Variants in SUCO observed in about 807,000 individuals in gnomAD.
SUCO encodes SUN domain-containing ossification factor.
SUCO carries 57 observed loss-of-function variants against 148.1 expected under a neutral mutation model. That is an observed-to-expected ratio of 0.38 (90% CI 0.31 to 0.48). The LOEUF (loss-of-function observed/expected upper bound fraction) is 0.48. Ranked by LOEUF, SUCO falls within the 20% of genes least tolerant of loss-of-function variation. The pLI, the probability that SUCO is intolerant of heterozygous loss-of-function variation, is 0.96. For synonymous variants in SUCO, 470 were observed against 502.7 expected (o/e 0.93, Z 0.87); for missense variants, 1,331 against 1,468.2 (o/e 0.91, Z 1.53).
At chr1:172,609,088 C>CTGA (rs1373453520) in intron 23 of SUCO, 1 of 244,618 alleles carries the variant, frequency 4.1e-6, no homozygotes, top group African/African-American at 2.3e-5. Context: ...TATTTACTGT[C>CTGA]TGACCCTTCA....
In SUCO at chr1:172,589,193, G is replaced by A; in HGVS notation, c.2092G>A (p.Val698Ile). 1 of 1,614,010 alleles carries A rather than the reference G, an allele frequency of 6.2e-7. No individual in the cohort carries two copies. The highest frequency in any genetic ancestry group is 8.5e-7 in the Non-Finnish European group (1 of 1,179,926). ...TATAGAAAGGGAAGCTGAAACTGTT[G>A]TTCTGGGTGATTTAAGTAGTAGTAT... ...TNIEREAETV[V>I]LGDLSSSMHQ... The change falls in exon 18 of 24, where the codon GTT becomes ATT. Residue 698 changes from valine (V) to isoleucine (I), a missense_variant. Physicochemically the swap from Val to Ile is conservative, Grantham distance 29 (BLOSUM62 3). Around this residue, in one of 3 missense-constraint regions of SUCO, gnomAD observed 992 missense variants for 1,093.5 expected, o/e 0.91. Transcript: ENST00000263688.
Position 172,557,716 on chromosome 1 carries a change from ATCAAAAGTTT to A in SUCO, c.655_664del (p.Ser219GlnfsTer14). The A allele has an allele frequency of 6.2e-7, 1 of 1,613,392 alleles. No homozygotes were observed. Among genetic ancestry groups the A allele is most frequent in the Non-Finnish European group, 8.5e-7 (1 of 1,179,718 alleles). ...GAAAGATAACAAAATCAGAATTTGAATCAAAAGTTTCAGCAAGTGAACAGGGCGGTGGTGA... is the reference window on the plus strand; with the variant it reads ...GAAAGATAACAAAATCAGAATTTGAACAGCAAGTGAACAGGGCGGTGGTGA... On this transcript the variant is annotated frameshift_variant, in exon 6 of 24. Coordinates refer to ENST00000263688, the MANE Select transcript of SUCO (RefSeq NM_014283.5). LOFTEE classifies it high-confidence loss of function.
chr1:172,542,637 G>A, intron 1 of SUCO: 1 of 620,814 alleles, frequency 1.6e-6, no homozygotes, highest in Non-Finnish European at 2.0e-6. Context: ...CTCCTTATGA[G>A]AATCTAATGG....
chr1:172,562,700 A>G (rs1256337362), intron 6 of SUCO, among the ~76,000 whole-genome samples: 1 of 152,218 alleles, frequency 6.6e-6, no homozygotes, highest in African/African-American at 2.4e-5. Context: ...TTAATCATAC[A>G]CAAAATTTCT....
In SUCO at chr1:172,569,041, G is replaced by A. The variant is rs1173883750; in HGVS notation, c.755G>A (p.Gly252Glu). ...KNESSDYTKP[G>E]DIDPTSVASP... is the part of the protein sequence containing the mutation. ...CAGAGCTCTGATTATACAAAACCAG[G>A]AGACATTGACCCTACATCAGTAGCA... The change falls in exon 7 of 24, where the codon GGA becomes GAA. Residue 252 changes from glycine (G) to glutamate (E), a missense_variant. Coordinates refer to ENST00000263688, the MANE Select transcript of SUCO (RefSeq NM_014283.5). 1 of 1,588,924 alleles carries A rather than the reference G, an allele frequency of 6.3e-7. No individual in the cohort carries two copies. Among genetic ancestry groups the A allele is most frequent in the Non-Finnish European group, 8.5e-7 (1 of 1,173,210 alleles).
At chr1:172,577,861 T>C in intron 13 of SUCO, 42 bp downstream of exon 13, 1 of 1,479,994 alleles carries the variant, frequency 6.8e-7, no homozygotes, top group Non-Finnish European at 9.3e-7. Context: ...TTTAAAAAAA[T>C]TGATATACAA....
chr1:172,598,125 A>G (rs1257575800), intron 19 of SUCO, among the ~76,000 whole-genome samples: 1 of 152,218 alleles, frequency 6.6e-6, no homozygotes, highest in African/African-American at 2.4e-5. Context: ...GGTATGGATC[A>G]AAGTTCTTTT....
At chr1:172,539,709 AGTAAGCACT>A (rs1316978011) in intron 1 of SUCO, among the ~76,000 whole-genome samples, 1 of 152,242 alleles carries the variant, frequency 6.6e-6, no homozygotes, top group African/African-American at 2.4e-5. Context: ...CCTCACTCGT[AGTAAGCACT>A]ACTGTATGAG....
At chr1:172,587,853 T>A (rs1656348473) in intron 17 of SUCO, among the ~76,000 whole-genome samples, 1 of 152,090 alleles carries the variant, frequency 6.6e-6, no homozygotes, top group Non-Finnish European at 1.5e-5. Context: ...TTTTTATGTA[T>A]AAGGCTACAC....
rs766234793 is a variant in SUCO at position 172,602,696 on chromosome 1, G to A, written c.3174G>A (p.Arg1058=). The A allele has an allele frequency of 6.8e-6, 11 of 1,611,540 alleles. No individual in the cohort carries two copies. The East Asian group carries it at 1.8e-4, about 26-fold the overall frequency. The change falls in exon 22 of 24, where the codon AGG becomes AGA. Residue 1058 remains arginine, a splice_region_variant and synonymous_variant. Coordinates refer to ENST00000263688, the MANE Select transcript of SUCO (RefSeq NM_014283.5). ...ATATGTATTTTTCCTAATGTGTTAG[G>A]TGTTTCTCTTCCTATGATGATATGA... ...PKSNQYPSPK[R]CFSSYDDMNL...
chr1:172,549,479 G>A (rs1653115497), intron 1 of SUCO, among the ~76,000 whole-genome samples: 1 of 151,876 alleles, frequency 6.6e-6, no homozygotes, highest in Admixed American at 6.6e-5. Context: ...AAGATAGCTG[G>A]TTCAGTAATT....
chr1:172,585,979 T>C (rs1381003360), intron 17 of SUCO, 31 bp downstream of exon 17: 4 of 1,411,184 alleles, frequency 2.8e-6, no homozygotes, highest in Non-Finnish European at 3.9e-6. Flanking sequence ...AAATAGAATT[T>C]TGTTACAATG....
chr1:172,567,846 C>T (rs1007861532), intron 6 of SUCO, among the ~76,000 whole-genome samples: 9 of 152,202 alleles, frequency 5.9e-5, no homozygotes, highest in African/African-American at 2.2e-4. Flanking sequence ...GACTATCACA[C>T]TTTAAACTCC....
intron 17 of SUCO, chr1:172,588,498 A>C: frequency 1.0e-6 from 1 of 985,284 alleles, no homozygotes; most frequent in Middle Eastern, 5.2e-4. Context: ...ACAGATTAAA[A>C]GAAAGCAAGT....
At position 172,589,131 on chromosome 1, in the gene SUCO, T is replaced by C; in HGVS notation, c.2030T>C (p.Val677Ala). ...CCTGCGGAATCAGTAGATGTTTCAG[T>C]ATTGCAACCTCTGAGTGGAGAATTG... is the stretch of plus-strand genomic sequence containing the variant. ...LLPAESVDVSVLQPLSGELEN... is the reference protein window; with the variant it reads ...LLPAESVDVSALQPLSGELEN... Residue 677 changes from valine (V) to alanine (A), a missense_variant, in exon 18 of 24, where the codon GTA becomes GCA. By Grantham distance (64) the Val-to-Ala change is moderately conservative. This residue lies in a region of SUCO where 992 missense variants were observed against 1,093.5 expected (regional missense o/e 0.91). Transcript: ENST00000263688. 3 of 1,613,720 alleles carry C rather than the reference T, an allele frequency of 1.9e-6. No homozygotes were observed. Among genetic ancestry groups the C allele is most frequent in the Non-Finnish European group, 2.5e-6 (3 of 1,179,812 alleles).
chr1:172,582,569 A>G (rs1038604969), intron 15 of SUCO, among the ~76,000 whole-genome samples: 3 of 152,148 alleles, frequency 2.0e-5, no homozygotes, highest in African/African-American at 7.2e-5. Flanking sequence ...AGGGATATTT[A>G]TCTCTAGTTT....
intron 15 of SUCO, among the ~76,000 whole-genome samples, chr1:172,583,293 GT>G (rs2149256113): frequency 6.6e-6 from 1 of 152,160 alleles, no homozygotes; most frequent in African/African-American, 2.4e-5. Context: ...AGTTTGCCAG[GT>G]CAAAGGGCAA....
chr1:172,565,939 A>G (rs1571220765), intron 6 of SUCO, among the ~76,000 whole-genome samples: 1 of 152,132 alleles, frequency 6.6e-6, no homozygotes. Flanking sequence ...GAGGGGACAC[A>G]CCCATCCACA....
At chr1:172,533,137 G>A, upstream of SUCO, 9 of 1,441,414 alleles carry the variant, frequency 6.2e-6, no homozygotes, top group Non-Finnish European at 8.2e-6. Context: ...GGCCCCCGGC[G>A]GGCGGGGAGG....
Sources: gnomAD v4.1 joint callset for allele counts (sites outside exome capture counted in the v4.1 genomes callset) on GRCh38, gnomAD v4.1.1 for gene constraint, gnomAD v4.1.1 regional missense constraint, MANE v1.5 for transcripts, NCBI Gene and HGNC (gene_info 2026-07-23, HGNC 2026-07-21) for gene names.